FGF12: variants seen among roughly 807,000 people sequenced by gnomAD.
FGF12 encodes the protein fibroblast growth factor 12.
Under a neutral mutation model 23.6 loss-of-function variants are expected in FGF12, and 14 were observed. That is an observed-to-expected ratio of 0.59 (90% CI 0.39 to 0.93). The LOEUF (loss-of-function observed/expected upper bound fraction) is 0.93. Ranked by LOEUF, FGF12 falls within the 40% of genes least tolerant of loss-of-function variation. FGF12 has a pLI of 0.00. For missense variants in FGF12, 175 were observed against 217.8 expected, an observed-to-expected ratio of 0.80 and a Z score of 1.24; for synonymous variants, 62 against 77.3, an observed-to-expected ratio of 0.80 and a Z score of 1.04.
At chr3:192,547,200 T>A (rs1446140015) in intron 2 of FGF12, among the ~76,000 whole-genome samples, 1 of 152,198 alleles carries the variant, frequency 6.6e-6, no homozygotes, top group African/African-American at 2.4e-5. Context: ...ATGTATGGAA[T>A]CCTTTATAGA....
chr3:192,203,947 G>A (rs1172097405), intron 4 of FGF12, among the ~76,000 whole-genome samples: 2 of 151,882 alleles, frequency 1.3e-5, no homozygotes, highest in Admixed American at 6.6e-5. Flanking sequence ...CATGTCAGGG[G>A]CCTCCCTGAA....
At chr3:192,555,060 T>C (rs1372864454) in intron 2 of FGF12, among the ~76,000 whole-genome samples, 7 of 152,114 alleles carry the variant, frequency 4.6e-5, no homozygotes, top group Non-Finnish European at 8.8e-5. Context: ...GTGTTCATTA[T>C]ATGCAATATG....
chr3:192,719,159 C>T (rs1018969994), intron 2 of FGF12, among the ~76,000 whole-genome samples: 4 of 152,118 alleles, frequency 2.6e-5, no homozygotes, highest in African/African-American at 9.7e-5. Flanking sequence ...GAACATGCAC[C>T]ATGTGTATTT....
intron 2 of FGF12, among the ~76,000 whole-genome samples, chr3:192,474,808 CCGGGAGGTAGAGGTTGCAGT>C (rs1257024056): frequency 6.6e-6 from 1 of 151,192 alleles, no homozygotes; most frequent in African/African-American, 2.4e-5. Flanking sequence ...TTGCTTGAAC[CCGGGAGGTAGAGGTTGCAGT>C]AAGCTGAGAT....
intron 2 of FGF12, among the ~76,000 whole-genome samples, chr3:192,623,078 A>G (rs961695268): frequency 2.0e-5 from 3 of 152,190 alleles, no homozygotes; most frequent in Non-Finnish European, 4.4e-5. Flanking sequence ...ATAAACATCA[A>G]CCATGTAACA....
At chr3:192,531,477 G>C (rs2108851215) in intron 2 of FGF12, among the ~76,000 whole-genome samples, 1 of 152,224 alleles carries the variant, frequency 6.6e-6, no homozygotes, top group South Asian at 2.1e-4. Context: ...GCACTTAGTG[G>C]ACTCCCCATT....
chr3:192,700,392 G>T (rs950222485), intron 2 of FGF12, among the ~76,000 whole-genome samples: 1 of 152,076 alleles, frequency 6.6e-6, no homozygotes, highest in African/African-American at 2.4e-5. Context: ...AGTAAAATTA[G>T]AATTTTACTT....
chr3:192,656,468 G>A (rs1174831696), intron 2 of FGF12, among the ~76,000 whole-genome samples: 2 of 152,124 alleles, frequency 1.3e-5, no homozygotes, highest in Non-Finnish European at 2.9e-5. Flanking sequence ...CTAGTGCAGT[G>A]GTTCTCAGCC....
chr3:192,146,772 A>G (rs1021085695), intron 5 of FGF12, among the ~76,000 whole-genome samples: 1 of 152,166 alleles, frequency 6.6e-6, no homozygotes, highest in Non-Finnish European at 1.5e-5. Context: ...ACTGCTGCAG[A>G]TAACTTTTCC....
intron 4 of FGF12, among the ~76,000 whole-genome samples, chr3:192,305,126 T>C (rs1441308777): frequency 6.6e-6 from 1 of 152,094 alleles, no homozygotes; most frequent in African/African-American, 2.4e-5. Context: ...GAAAACTAAA[T>C]TGTTATAAAT....
intron 4 of FGF12, among the ~76,000 whole-genome samples, chr3:192,243,742 A>G (rs1053854366): frequency 6.6e-6 from 1 of 152,038 alleles, no homozygotes; most frequent in African/African-American, 2.4e-5. Flanking sequence ...TGAGTCTGTC[A>G]AACACACGGT....
intron 2 of FGF12, among the ~76,000 whole-genome samples, chr3:192,562,504 A>G (rs950164119): frequency 6.6e-6 from 1 of 152,228 alleles, no homozygotes; most frequent in Non-Finnish European, 1.5e-5. Flanking sequence ...ATTTGATTGA[A>G]ATAAAAAACC....
intron 4 of FGF12, among the ~76,000 whole-genome samples, chr3:192,300,471 C>A (rs1416465481): frequency 3.3e-5 from 5 of 152,030 alleles, no homozygotes; most frequent in Non-Finnish European, 7.4e-5. Context: ...CAATCTATTA[C>A]CTTCCAAATG....
chr3:192,258,325 G>A (rs1712534401), intron 4 of FGF12, among the ~76,000 whole-genome samples: 1 of 152,098 alleles, frequency 6.6e-6, no homozygotes, highest in Non-Finnish European at 1.5e-5. Flanking sequence ...AGGCGTGGTA[G>A]TGCACGTGTG....
chr3:192,507,464 C>G (rs1414747067), intron 2 of FGF12, among the ~76,000 whole-genome samples: 1 of 150,950 alleles, frequency 6.6e-6, no homozygotes, highest in Non-Finnish European at 1.5e-5. Flanking sequence ...GTACATAGAC[C>G]TAAATCTTCA....
Position 192,408,821 on chromosome 3 carries a change from C to G in FGF12, c.14-48283G>C. 2 of 985,640 alleles carry G rather than the reference C, an allele frequency of 2.0e-6. No homozygotes were observed. Among genetic ancestry groups the G allele is most frequent in the Non-Finnish European group, 2.4e-6 (2 of 830,118 alleles). 61.1% of individuals were successfully genotyped at this position (985,640 alleles called of 1,614,324 possible). A position where few individuals can be genotyped will look rare whatever the true frequency, so the allele number is the denominator to read the frequency against. ...GCACGAGAGAAGGAGAGGAAGGCAG[C>G]AATTTAACTCCCTGCGGCCCGCGGT... On this transcript the variant is annotated intron_variant, in intron 2 of 5. Transcript: ENST00000445105. This position sits in a 1 kb window ranked among gnomAD's most constrained non-coding sequence, Gnocchi z 7.3.
intron 2 of FGF12, among the ~76,000 whole-genome samples, chr3:192,694,446 T>G (rs1227851834): frequency 6.6e-6 from 1 of 152,108 alleles, no homozygotes; most frequent in African/African-American, 2.4e-5. Context: ...TGCATTCCCA[T>G]GTTCACTTCA....
intron 4 of FGF12, among the ~76,000 whole-genome samples, chr3:192,192,401 AT>A (rs967465306): frequency 6.7e-6 from 1 of 148,834 alleles, no homozygotes. Context: ...AATTTGTAAG[AT>A]TTTTTGTTCA....
intron 5 of FGF12, among the ~76,000 whole-genome samples, chr3:192,165,206 C>T (rs929078322): frequency 1.3e-5 from 2 of 151,982 alleles, no homozygotes; most frequent in Non-Finnish European, 1.5e-5. Flanking sequence ...TCACCTGCCT[C>T]GACTTCCCAA....
Sources: allele counts gnomAD v4.1 joint callset (sites outside exome capture counted in the v4.1 genomes callset), GRCh38; gene constraint gnomAD v4.1.1; non-coding constraint Gnocchi (gnomAD v3.1); transcripts MANE v1.5; gene names NCBI Gene and HGNC (gene_info 2026-07-23, HGNC 2026-07-21).